CSMD3: variants seen among roughly 807,000 people sequenced by gnomAD.
The protein encoded by CSMD3 is CUB and sushi domain-containing protein 3.
In CSMD3, 177 loss-of-function variants were observed where a neutral mutation model predicts 435.2. That is an observed-to-expected ratio of 0.41 (90% CI 0.36 to 0.46). CSMD3 has a LOEUF of 0.46. Among genes scored for constraint, CSMD3 ranks in the 20% least tolerant of loss-of-function variants. The pLI, the probability that CSMD3 is intolerant of heterozygous loss-of-function variation, is 0.34. For synonymous variants in CSMD3, 1,656 were observed against 1,520.5 expected, an observed-to-expected ratio of 1.09 and a Z score of -2.07; for missense variants, 4,265 against 4,504.6, an observed-to-expected ratio of 0.95 and a Z score of 1.52.
chr8:113,238,750 G>C (rs2093178146), intron 3 of CSMD3, among the ~76,000 whole-genome samples: 1 of 152,130 alleles, frequency 6.6e-6, no homozygotes, highest in Non-Finnish European at 1.5e-5. Flanking sequence ...TGGGGCCCAA[G>C]AGGTACTAGC....
chr8:112,541,892 C>A (rs1323689704), intron 27 of CSMD3, among the ~76,000 whole-genome samples: 2 of 151,878 alleles, frequency 1.3e-5, no homozygotes, highest in Non-Finnish European at 2.9e-5. Flanking sequence ...CAACAAAATA[C>A]TAGCAAACTA....
intron 13 of CSMD3, among the ~76,000 whole-genome samples, chr8:112,720,296 C>T (rs998765471): frequency 6.8e-6 from 1 of 148,138 alleles, no homozygotes; most frequent in African/African-American, 2.6e-5. Flanking sequence ...GCTTAAAATG[C>T]TAGAAATTTT....
At chr8:113,400,666 A>G (rs2094505769) in intron 1 of CSMD3, among the ~76,000 whole-genome samples, 1 of 151,860 alleles carries the variant, frequency 6.6e-6, no homozygotes, top group African/African-American at 2.4e-5. Flanking sequence ...TCATGAGGAT[A>G]TTGTCTCTGT....
intron 48 of CSMD3, 112 bp from the exon 49 acceptor site, chr8:112,314,164 A>G (rs541254103): frequency 3.7e-6 from 3 of 808,494 alleles, no homozygotes; most frequent in East Asian, 2.7e-5. Context: ...TTCACCACCA[A>G]TCTACCTCAT....
chr8:112,476,819 T>C (rs1322420215), intron 31 of CSMD3, among the ~76,000 whole-genome samples: 1 of 152,224 alleles, frequency 6.6e-6, no homozygotes, highest in Non-Finnish European at 1.5e-5. Context: ...ATGTGATTTA[T>C]CAGCTTCTCT....
chr8:113,165,122 A>C (rs2092124677), intron 4 of CSMD3, among the ~76,000 whole-genome samples: 1 of 152,146 alleles, frequency 6.6e-6, no homozygotes, highest in Non-Finnish European at 1.5e-5. Context: ...ATTTCACCAC[A>C]GGGGATTCTG....
chr8:112,296,633 TTAA>T (rs1412382565), intron 53 of CSMD3, among the ~76,000 whole-genome samples: 1 of 151,686 alleles, frequency 6.6e-6, no homozygotes, highest in Admixed American at 6.6e-5. Context: ...ATTAAAGAAA[TTAA>T]TAAGTTTCAG....
At chr8:112,458,902 C>T (rs765652708) in intron 32 of CSMD3, among the ~76,000 whole-genome samples, 23 of 152,022 alleles carry the variant, frequency 1.5e-4, no homozygotes, top group Admixed American at 9.8e-4. Context: ...TACTCATGTG[C>T]CTGCTGCCAT....
At chr8:112,260,379 T>A (rs886506529) in intron 61 of CSMD3, among the ~76,000 whole-genome samples, 1 of 152,150 alleles carries the variant, frequency 6.6e-6, no homozygotes, top group Admixed American at 6.5e-5. Context: ...AGTTTAAGTG[T>A]CATTGTCTAT....
intron 10 of CSMD3, among the ~76,000 whole-genome samples, chr8:112,884,460 A>G (rs10112634): frequency 0.014 from 2,130 of 151,770 alleles, 58 homozygotes; most frequent in African/African-American, 0.049. Context: ...ATTTTGGATT[A>G]GATAATTGTT....
At chr8:112,320,149 C>G (rs773590971) in intron 45 of CSMD3, among the ~76,000 whole-genome samples, 168 bp from the exon 46 acceptor site, 2 of 152,104 alleles carry the variant, frequency 1.3e-5, no homozygotes, top group African/African-American at 4.8e-5. Flanking sequence ...TACAACATTA[C>G]AAAATATTTT....
At chr8:112,765,297 A>G (rs1195869433) in intron 13 of CSMD3, among the ~76,000 whole-genome samples, 1 of 151,670 alleles carries the variant, frequency 6.6e-6, no homozygotes, top group Admixed American at 6.6e-5. Context: ...AAAAACTACC[A>G]ATAAGAGGCT....
chr8:112,468,274 A>C (rs546248919), intron 32 of CSMD3, among the ~76,000 whole-genome samples: 1 of 136,734 alleles, frequency 7.3e-6, no homozygotes, highest in East Asian at 2.1e-4. Flanking sequence ...GATCCACCTC[A>C]TATCTTCAGC....
At chr8:113,227,501 CT>C (rs2093041023) in intron 3 of CSMD3, among the ~76,000 whole-genome samples, 1 of 151,624 alleles carries the variant, frequency 6.6e-6, no homozygotes, top group South Asian at 2.1e-4. Context: ...TGGTTTGAGT[CT>C]TTTTCCCCAC....
At chr8:113,082,295 C>T (rs2089597648) in intron 5 of CSMD3, among the ~76,000 whole-genome samples, 2 of 152,160 alleles carry the variant, frequency 1.3e-5, no homozygotes, top group Non-Finnish European at 2.9e-5. Context: ...AGCTTGTCCA[C>T]TGTCCCTGTT....
intron 22 of CSMD3, among the ~76,000 whole-genome samples, chr8:112,596,235 A>T (rs1180945497): frequency 6.6e-6 from 1 of 152,022 alleles, no homozygotes; most frequent in East Asian, 1.9e-4. Flanking sequence ...GATAAAACAG[A>T]CTTTAAACCA....
intron 13 of CSMD3, among the ~76,000 whole-genome samples, chr8:112,716,491 A>T (rs148605520): frequency 3.5e-4 from 54 of 152,338 alleles, no homozygotes; most frequent in Admixed American, 3.3e-3. Flanking sequence ...GAAAATAGCC[A>T]TGCTGCCCAA....
At chr8:112,598,383 G>A (rs1454154282) in intron 22 of CSMD3, among the ~76,000 whole-genome samples, 1 of 151,160 alleles carries the variant, frequency 6.6e-6, no homozygotes, top group African/African-American at 2.4e-5. Flanking sequence ...ACAAACAAAT[G>A]GAAGAACATT....
At chr8:112,608,139 G>A (rs944984209) in intron 22 of CSMD3, among the ~76,000 whole-genome samples, 1 of 151,988 alleles carries the variant, frequency 6.6e-6, no homozygotes, top group Admixed American at 6.6e-5. Flanking sequence ...ATAAAAATTA[G>A]TTGTGTTTCC....
Sources: gnomAD v4.1 joint callset for allele counts (sites outside exome capture counted in the v4.1 genomes callset) on GRCh38, gnomAD v4.1.1 for gene constraint, MANE v1.5 for transcripts, NCBI Gene and HGNC (gene_info 2026-07-23, HGNC 2026-07-21) for gene names.